The following HS2ST1 variants were observed in gnomAD, a reference collection of about 807,000 sequenced individuals.
HS2ST1 encodes 2-O-sulfotransferase.
HS2ST1 carries 18 observed loss-of-function variants against 42.9 expected under a neutral mutation model. The observed-to-expected ratio is 0.42, with a 90% confidence interval of 0.29 to 0.62. The LOEUF is 0.62. HS2ST1 is among the 20% of genes least tolerant of loss of function. HS2ST1 has a pLI of 0.21. For missense variants in HS2ST1, 334 were observed against 433.8 expected, an observed-to-expected ratio of 0.77 and a Z score of 2.04; for synonymous variants, 146 against 152.9, an observed-to-expected ratio of 0.95 and a Z score of 0.33.
chr1:87,044,617 T>C (rs1419754422), intron 1 of HS2ST1, among the ~76,000 whole-genome samples: 1 of 152,194 alleles, frequency 6.6e-6, no homozygotes, highest in Non-Finnish European at 1.5e-5. Flanking sequence ...TTAACCACAA[T>C]ATTTTGAAAC....
intron 1 of HS2ST1, among the ~76,000 whole-genome samples, chr1:86,940,414 A>G (rs1297139475): frequency 1.3e-5 from 2 of 152,090 alleles, no homozygotes; most frequent in African/African-American, 4.8e-5. Context: ...TCAAAGTTGC[A>G]TGTATAAACG....
intron 1 of HS2ST1, among the ~76,000 whole-genome samples, chr1:86,978,719 G>A (rs1648494763): frequency 6.6e-6 from 1 of 151,890 alleles, no homozygotes; most frequent in Non-Finnish European, 1.5e-5. Context: ...AATAGAAATG[G>A]AATTTTAAAA....
chr1:86,999,435 C>T (rs1649211689), intron 1 of HS2ST1, among the ~76,000 whole-genome samples: 1 of 152,222 alleles, frequency 6.6e-6, no homozygotes, highest in African/African-American at 2.4e-5. Flanking sequence ...ACCTCAGCCT[C>T]CCAAAGTGCT....
chr1:86,960,170 A>G (rs554499811), intron 1 of HS2ST1, among the ~76,000 whole-genome samples: 1 of 150,714 alleles, frequency 6.6e-6, no homozygotes, highest in South Asian at 2.1e-4. Context: ...GAAAAACGGT[A>G]ATTTTTTCCA....
chr1:86,965,116 TTTCAGTAA>T (rs1648006184), intron 1 of HS2ST1, among the ~76,000 whole-genome samples: 1 of 152,246 alleles, frequency 6.6e-6, no homozygotes, highest in Non-Finnish European at 1.5e-5. Context: ...TTTATGCATC[TTTCAGTAA>T]TAGAGTAAGA....
At chr1:87,052,338 G>T (rs971917319) in intron 1 of HS2ST1, among the ~76,000 whole-genome samples, 2 of 152,146 alleles carry the variant, frequency 1.3e-5, no homozygotes, top group Non-Finnish European at 2.9e-5. Flanking sequence ...TAACTAGTAA[G>T]CCAGGACTGG....
chr1:87,094,687 CA>C (rs1321241653), intron 4 of HS2ST1, among the ~76,000 whole-genome samples: 5 of 152,018 alleles, frequency 3.3e-5, no homozygotes, highest in Admixed American at 2.0e-4. Flanking sequence ...TCAATATTCA[CA>C]AAAAAATCCA....
chr1:87,035,520 T>C (rs568602567), intron 1 of HS2ST1, among the ~76,000 whole-genome samples: 1 of 152,310 alleles, frequency 6.6e-6, no homozygotes, highest in Admixed American at 6.5e-5. Context: ...GAATGTGTTA[T>C]CATAATAATT....
chr1:87,076,142 T>C (rs1651538198), intron 2 of HS2ST1, among the ~76,000 whole-genome samples: 1 of 152,262 alleles, frequency 6.6e-6, no homozygotes, highest in South Asian at 2.1e-4. Context: ...GAAAACAAAT[T>C]AATGTAGAAT....
intron 1 of HS2ST1, among the ~76,000 whole-genome samples, chr1:87,004,220 A>G (rs957524996): frequency 6.6e-6 from 1 of 152,052 alleles, no homozygotes; most frequent in Non-Finnish European, 1.5e-5. Flanking sequence ...GTGAAACCCC[A>G]TCTCTACTAC....
chr1:86,974,914 T>A (rs1382507032), intron 1 of HS2ST1, among the ~76,000 whole-genome samples: 1 of 152,206 alleles, frequency 6.6e-6, no homozygotes. Flanking sequence ...CTCTTTAGAA[T>A]CTTTTAAATT....
chr1:87,023,806 A>ATTT (rs1478439436), intron 1 of HS2ST1, among the ~76,000 whole-genome samples: 10 of 151,884 alleles, frequency 6.6e-5, no homozygotes, highest in Non-Finnish European at 1.3e-4. Context: ...TTGTGTTACT[A>ATTT]TTTTTTTTCA....
At chr1:86,978,867 T>TTTTC (rs1193957038) in intron 1 of HS2ST1, among the ~76,000 whole-genome samples, 2 of 142,344 alleles carry the variant, frequency 1.4e-5, no homozygotes, top group Non-Finnish European at 3.1e-5. Flanking sequence ...GAATCTTTTT[T>TTTTC]TTTTTTTTTT....
intron 3 of HS2ST1, among the ~76,000 whole-genome samples, chr1:87,090,290 G>T (rs905093830): frequency 6.6e-6 from 1 of 152,060 alleles, no homozygotes; most frequent in African/African-American, 2.4e-5. Context: ...GAACAAGAGA[G>T]AAATGGTCCC....
rs1315587721 is a variant in HS2ST1, at chr1:86,914,987, T to TCCCGCTC, written c.-44_-38dup. 1.9e-6 allele frequency: 3 copies of TCCCGCTC among 1,609,270 alleles called. No individual in the cohort carries two copies. The highest frequency in any genetic ancestry group is 2.5e-6 in the Non-Finnish European group (3 of 1,178,822). ...CCCGGCGTCTCTCTCGCCTCCGGGG[T>TCCCGCTC]CCCGCTCCCCGCCCCCCGCGGTATG... On this transcript the variant is annotated 5_prime_UTR_variant, in exon 1 of 7. Coordinates refer to ENST00000370550, the MANE Select transcript of HS2ST1 (RefSeq NM_012262.4).
At chr1:87,040,809 G>C (rs1650500872) in intron 1 of HS2ST1, among the ~76,000 whole-genome samples, 1 of 152,108 alleles carries the variant, frequency 6.6e-6, no homozygotes, top group African/African-American at 2.4e-5. Flanking sequence ...AAGCCAGTAG[G>C]CATGTTCTGT....
At chr1:87,032,847 C>T (rs1446910433) in intron 1 of HS2ST1, among the ~76,000 whole-genome samples, 1 of 152,082 alleles carries the variant, frequency 6.6e-6, no homozygotes, top group Non-Finnish European at 1.5e-5. Flanking sequence ...TTTGAATAGG[C>T]TATATGATGG....
chr1:87,077,747 G>A lies in HS2ST1; in HGVS notation c.363+4575G>A, dbSNP rs559265127. Among the ~76,000 whole-genome samples the A allele has an allele frequency of 1.2e-3, 182 of 152,298 alleles. 1 individual carries two copies. The highest frequency in any genetic ancestry group is 4.1e-3 in the African/African-American group (171 of 41,562). ...ACTATACATTTTTTGTTAAATAAATGATGAATGAATGAACAAATGGACCAA... is the reference window on the plus strand; with the variant it reads ...ACTATACATTTTTTGTTAAATAAATAATGAATGAATGAACAAATGGACCAA... On this transcript the variant is annotated intron_variant, in intron 2 of 6. Transcript: ENST00000370550.
At chr1:86,915,947 T>C (rs1453213613) in intron 1 of HS2ST1, among the ~76,000 whole-genome samples, 3 of 152,192 alleles carry the variant, frequency 2.0e-5, no homozygotes, top group African/African-American at 7.2e-5. Context: ...TAGTGAAGTT[T>C]GTGTTTGTTA....
Sources: gnomAD v4.1 joint callset for allele counts (sites outside exome capture counted in the v4.1 genomes callset) on GRCh38, gnomAD v4.1.1 for gene constraint, MANE v1.5 for transcripts, NCBI Gene and HGNC (gene_info 2026-07-23, HGNC 2026-07-21) for gene names.